AP2B1: variants seen among roughly 807,000 people sequenced by gnomAD.
AP2B1 encodes the protein adaptor related protein complex 2 subunit beta 1.
A neutral mutation model predicts 102.0 loss-of-function variants in AP2B1; 23 were observed. The ratio of observed to expected loss-of-function variants is 0.23; its 90% CI spans 0.16 to 0.32. The LOEUF (loss-of-function observed/expected upper bound fraction) is 0.32. Among genes scored for constraint, AP2B1 ranks in the 10% least tolerant of loss-of-function variants. The pLI, the probability that AP2B1 is intolerant of heterozygous loss-of-function variation, is 1.00. For synonymous variants in AP2B1, 381 were observed against 421.2 expected (o/e 0.90, Z 1.17); for missense variants, 541 against 1,157.4 (o/e 0.47, Z 7.73).
At chr17:35,679,257 G>A (rs1296882123) in intron 17 of AP2B1, among the ~76,000 whole-genome samples, 1 of 152,156 alleles carries the variant, frequency 6.6e-6, no homozygotes, top group Non-Finnish European at 1.5e-5. Flanking sequence ...TGATTCTAGA[G>A]GGCTGATCTT....
At chr17:35,599,701 C>T (rs1597985006) in intron 3 of AP2B1, among the ~76,000 whole-genome samples, 1 of 151,860 alleles carries the variant, frequency 6.6e-6, no homozygotes, top group African/African-American at 2.4e-5. Flanking sequence ...GGCAGGAGTT[C>T]GAGACTAGGC....
chr17:35,621,584 T>C (rs535912479), intron 5 of AP2B1, among the ~76,000 whole-genome samples: 1 of 152,346 alleles, frequency 6.6e-6, no homozygotes, highest in Non-Finnish European at 1.5e-5. Context: ...TAATCTGATC[T>C]TTCTGGATCC....
chr17:35,676,005 C>T (rs1233494460), intron 17 of AP2B1, among the ~76,000 whole-genome samples: 3 of 152,124 alleles, frequency 2.0e-5, no homozygotes, highest in Admixed American at 6.6e-5. Flanking sequence ...TAGGTTCCTC[C>T]TCCTCCTCTG....
At chr17:35,660,920 G>A (rs987214649) in intron 14 of AP2B1, among the ~76,000 whole-genome samples, 6 of 152,202 alleles carry the variant, frequency 3.9e-5, no homozygotes, top group African/African-American at 1.4e-4. Flanking sequence ...GGAGAATAGT[G>A]TAGCTAGGAG....
chr17:35,629,687 A>G (rs1004121369), intron 9 of AP2B1, among the ~76,000 whole-genome samples: 4 of 152,218 alleles, frequency 2.6e-5, no homozygotes, highest in African/African-American at 7.2e-5. Flanking sequence ...GGTAACAGAA[A>G]AGTTGATTAG....
chr17:35,661,496 A>G (rs1261025775), intron 14 of AP2B1, among the ~76,000 whole-genome samples: 10 of 152,304 alleles, frequency 6.6e-5, no homozygotes, highest in East Asian at 1.9e-4. Context: ...ACAAAAACAG[A>G]TATCTCTGAC....
chr17:35,649,570 C>T (rs1270839508), intron 12 of AP2B1, among the ~76,000 whole-genome samples: 9 of 151,934 alleles, frequency 5.9e-5, no homozygotes, highest in Non-Finnish European at 2.9e-5. Context: ...GCGCCCGGCC[C>T]TAGTTTAAAA....
intron 20 of AP2B1, chr17:35,713,932 G>A (rs781940483): frequency 6.6e-6 from 1 of 152,168 alleles, no homozygotes; most frequent in Non-Finnish European, 1.5e-5. Context: ...GTATGAATCT[G>A]TTTTACATCT....
rs368119543 is a variant in AP2B1, at chr17:35,684,008, G to C, written c.2454+1184G>C. 3.3e-5 allele frequency among the ~76,000 whole-genome samples: 5 copies of C among 152,350 alleles called. No homozygotes were observed. In the South Asian group the frequency reaches 1.0e-3, roughly 32 times the overall value. On this transcript the variant is annotated intron_variant, in intron 18 of 21. Coordinates refer to ENST00000610402, the MANE Select transcript of AP2B1 (RefSeq NM_001030006.2). ...TATATTCCAAATTTACACTACTTAT[G>C]TAGGTGTAGTAACCTCCAAATCAAT...
chr17:35,608,842 G>C (rs1376128616), intron 5 of AP2B1, among the ~76,000 whole-genome samples: 1 of 152,104 alleles, frequency 6.6e-6, no homozygotes, highest in Non-Finnish European at 1.5e-5. Flanking sequence ...TAGCCAACTT[G>C]GTTATGTTGT....
At chr17:35,691,226 A>ATTC (rs2076034732) in intron 18 of AP2B1, among the ~76,000 whole-genome samples, 1 of 152,140 alleles carries the variant, frequency 6.6e-6, no homozygotes, top group Admixed American at 6.5e-5. Flanking sequence ...TTCATGTCTT[A>ATTC]AGATCATTGT....
At chr17:35,608,498 G>A in intron 5 of AP2B1, 111 bp downstream of exon 5, 1 of 1,317,904 alleles carries the variant, frequency 7.6e-7, no homozygotes, top group Non-Finnish European at 1.1e-6. Context: ...GGTAGCTATG[G>A]GAAACATGAC....
At chr17:35,709,956 G>C (rs1160030930) in intron 19 of AP2B1, among the ~76,000 whole-genome samples, 2 of 152,152 alleles carry the variant, frequency 1.3e-5, no homozygotes, top group African/African-American at 4.8e-5. Flanking sequence ...AGAAATTAAG[G>C]CTCAGAAAGG....
intron 3 of AP2B1, among the ~76,000 whole-genome samples, chr17:35,600,552 A>G (rs2073443700): frequency 6.6e-6 from 1 of 152,224 alleles, no homozygotes; most frequent in African/African-American, 2.4e-5. Flanking sequence ...ACATTCTACA[A>G]AAGGTTGAAT....
chr17:35,695,895 T>C (rs895113401), intron 18 of AP2B1, among the ~76,000 whole-genome samples: 1 of 151,856 alleles, frequency 6.6e-6, no homozygotes, highest in Non-Finnish European at 1.5e-5. Flanking sequence ...GGGGGTGGGG[T>C]GGGGCTGAAG....
chr17:35,647,829 T>C (rs777439721), intron 12 of AP2B1, among the ~76,000 whole-genome samples: 8 of 152,128 alleles, frequency 5.3e-5, no homozygotes, highest in Non-Finnish European at 1.2e-4. Context: ...AGCCCTCAGA[T>C]TGTCCTGTTT....
chr17:35,720,334 C>G (rs1436052490), intron 21 of AP2B1, among the ~76,000 whole-genome samples: 1 of 151,338 alleles, frequency 6.6e-6, no homozygotes, highest in Non-Finnish European at 1.5e-5. Context: ...TGAAATGATC[C>G]TTACTGAAAA....
intron 16 of AP2B1, among the ~76,000 whole-genome samples, chr17:35,673,917 G>A (rs975348590): frequency 1.3e-5 from 2 of 152,158 alleles, no homozygotes; most frequent in African/African-American, 2.4e-5. Context: ...AGCCAGGGTC[G>A]TTTAAAGACT....
At chr17:35,598,109 A>G in intron 2 of AP2B1, 121 bp from the exon 3 acceptor site, 1 of 429,634 alleles carries the variant, frequency 2.3e-6, no homozygotes, top group Non-Finnish European at 4.2e-6. Context: ...TATATTCTAT[A>G]ATTTTAAAAT....
Sources: gnomAD v4.1 joint callset for allele counts (sites outside exome capture counted in the v4.1 genomes callset) on GRCh38, gnomAD v4.1.1 for gene constraint, MANE v1.5 for transcripts, NCBI Gene and HGNC (gene_info 2026-07-23, HGNC 2026-07-21) for gene names.